Variants in SEPTIN14 observed in about 807,000 individuals in gnomAD.
SEPTIN14 encodes the protein septin 14.
In SEPTIN14, 40 loss-of-function variants were observed where a neutral mutation model predicts 53.6. The observed-to-expected ratio is 0.75, with a 90% CI of 0.58 to 0.97. The LOEUF is 0.97. Ranked by LOEUF, SEPTIN14 falls within the 50% of genes least tolerant of loss-of-function variation. The pLI is 0.00. For synonymous variants in SEPTIN14, 138 were observed against 166.8 expected, an observed-to-expected ratio of 0.83 and a Z score of 1.33; for missense variants, 471 against 508.2, an observed-to-expected ratio of 0.93 and a Z score of 0.70.
chr7:55,813,523 C>T lies in SEPTIN14; in HGVS notation c.817+5604G>A, dbSNP rs143989546. ...GCTTGTATCACACCTCCCCCAACTCCAGGCAGTGCAGCCCGAAAAGAGACT... is the reference window on the plus strand; with the variant it reads ...GCTTGTATCACACCTCCCCCAACTCTAGGCAGTGCAGCCCGAAAAGAGACT... On this transcript the variant is annotated intron_variant, in intron 7 of 9. Coordinates refer to ENST00000388975, the MANE Select transcript of SEPTIN14 (RefSeq NM_207366.3). Among the ~76,000 whole-genome samples the T allele has an allele frequency of 2.8e-3, 423 of 152,208 alleles. 5 individuals are homozygous for T. Among genetic ancestry groups the T allele is most frequent in the Middle Eastern group, 0.01 (3 of 294 alleles).
chr7:55,808,603 G>C (rs1788646563), intron 7 of SEPTIN14, among the ~76,000 whole-genome samples: 1 of 152,148 alleles, frequency 6.6e-6, no homozygotes, highest in South Asian at 2.1e-4. Flanking sequence ...CCAGGCTGGA[G>C]TGCAGCAGTG....
intron 4 of SEPTIN14, 117 bp downstream of exon 4, chr7:55,844,406 G>A: frequency 6.0e-6 from 3 of 496,502 alleles, no homozygotes; most frequent in Non-Finnish European, 1.1e-5. Context: ...ACATTACTTA[G>A]GAAAATATTA....
chr7:55,847,909 A>G lies in SEPTIN14; in HGVS notation c.55-1272T>C, dbSNP rs557446116. The stretch of plus-strand genomic sequence containing the variant: ...TCATTTTTTATTTTTAAGTACTTCT[A>G]TTTTAAAAATGGGAATTATACAACC... On this transcript the variant is annotated intron_variant, in intron 2 of 9. Transcript: ENST00000388975. Among the ~76,000 whole-genome samples, 119 of 152,174 alleles carry G rather than the reference A, an allele frequency of 7.8e-4. No homozygotes were observed. In the South Asian group the frequency reaches 9.1e-3, roughly 12 times the overall value.
intron 6 of SEPTIN14, among the ~76,000 whole-genome samples, chr7:55,823,508 A>G (rs919495618): frequency 6.6e-6 from 1 of 152,086 alleles, no homozygotes; most frequent in African/African-American, 2.4e-5. Context: ...CTCAGATAGA[A>G]GCTTTAACAC....
intron 7 of SEPTIN14, among the ~76,000 whole-genome samples, chr7:55,808,748 C>A (rs570084881): frequency 1.3e-5 from 2 of 152,068 alleles, no homozygotes; most frequent in African/African-American, 2.4e-5. Flanking sequence ...GATGGAGTTT[C>A]ACCATGTTGA....
chr7:55,805,574 T>TA (rs1788598812), intron 8 of SEPTIN14, among the ~76,000 whole-genome samples, 184 bp from the exon 9 acceptor site: 1 of 152,074 alleles, frequency 6.6e-6, no homozygotes, highest in Non-Finnish European at 1.5e-5. Flanking sequence ...TATAAACATG[T>TA]AAAAAATATA....
chr7:55,797,987 G>T, intron 9 of SEPTIN14: 1 of 156,648 alleles, frequency 6.4e-6, no homozygotes, highest in South Asian at 1.8e-4. Flanking sequence ...TGGCTGAGGA[G>T]GGGGCTGAGG....
chr7:55,843,119 T>C lies in SEPTIN14; in HGVS notation c.381A>G (p.Pro127=), dbSNP rs779907021. The C allele has an allele frequency of 3.8e-6, 6 of 1,571,316 alleles. No homozygotes were observed. The East Asian group carries it at 1.1e-4, about 29-fold the overall frequency. ...ATTGGGCATCTATGTAGTCAACTATTGGTTGGTAGCTAAAAAAAAATTTAT... is the reference window on the plus strand; with the variant it reads ...ATTGGGCATCTATGTAGTCAACTATCGGTTGGTAGCTAAAAAAAAATTTAT... The part of the protein sequence containing the change: ...DQIDKEASYQ[P]IVDYIDAQFE... Residue 127 remains proline (P), a synonymous_variant, in exon 5 of 10, where the codon CCA becomes CCG. Transcript: ENST00000388975.
chr7:55,821,018 T>C (rs1333804555), intron 6 of SEPTIN14, among the ~76,000 whole-genome samples: 1 of 152,182 alleles, frequency 6.6e-6, no homozygotes, highest in African/African-American at 2.4e-5. Context: ...CTAAAATATT[T>C]ACACAGATAA....
chr7:55,839,092 A>G lies in SEPTIN14; in HGVS notation c.558+3850T>C, dbSNP rs540240521. On this transcript the variant is annotated intron_variant, in intron 5 of 9. Coordinates refer to ENST00000388975, the MANE Select transcript of SEPTIN14 (RefSeq NM_207366.3). ...TCATAAGAAGAGTGAGTACAGTATA[A>G]TAAGATATTTTGAGGCCAGGCGTGG... 2.0e-4 allele frequency among the ~76,000 whole-genome samples: 31 copies of G among 152,260 alleles called. 1 individual carries two copies. The South Asian group carries it at 4.1e-3, about 20-fold the overall frequency.
At chr7:55,821,428 A>C (rs1423707023) in intron 6 of SEPTIN14, among the ~76,000 whole-genome samples, 2 of 152,172 alleles carry the variant, frequency 1.3e-5, no homozygotes, top group African/African-American at 2.4e-5. Context: ...CTTGGAGGAG[A>C]AACAGGCCAT....
At chr7:55,844,064 G>C (rs1465670620) in intron 4 of SEPTIN14, among the ~76,000 whole-genome samples, 1 of 152,148 alleles carries the variant, frequency 6.6e-6, no homozygotes, top group Non-Finnish European at 1.5e-5. Flanking sequence ...TTGAGCCTGG[G>C]AGGTCGAAGC....
chr7:55,843,536 T>TA (rs974975878), intron 4 of SEPTIN14, among the ~76,000 whole-genome samples: 2 of 152,106 alleles, frequency 1.3e-5, no homozygotes, highest in Admixed American at 6.6e-5. Context: ...TGGCTATTGT[T>TA]AAAAAGATAA....
At chr7:55,857,522 A>G (rs181535216) in intron 2 of SEPTIN14, among the ~76,000 whole-genome samples, 139 of 39,590 alleles carry the variant, frequency 3.5e-3, no homozygotes, top group African/African-American at 0.013. Flanking sequence ...GGGAAGGGAA[A>G]GGAAAGGAAA....
chr7:55,797,789 C>T (rs1406772911), intron 9 of SEPTIN14, among the ~76,000 whole-genome samples: 4 of 152,026 alleles, frequency 2.6e-5, no homozygotes, highest in Non-Finnish European at 5.9e-5. Flanking sequence ...GCCAACATGG[C>T]GAAACCCTAT....
intron 6 of SEPTIN14, among the ~76,000 whole-genome samples, chr7:55,829,151 G>C (rs1388487868): frequency 6.6e-6 from 1 of 151,890 alleles, no homozygotes; most frequent in East Asian, 1.9e-4. Flanking sequence ...GGCCAAGACA[G>C]GTGGATTGCC....
At chr7:55,799,521 A>G (rs1788490621) in intron 9 of SEPTIN14, among the ~76,000 whole-genome samples, 1 of 103,134 alleles carries the variant, frequency 9.7e-6, no homozygotes, top group African/African-American at 4.8e-5. Context: ...CTTGTCTCAA[A>G]AAAAAAAAAA....
chr7:55,847,543 G>C (rs982096380), intron 2 of SEPTIN14, among the ~76,000 whole-genome samples: 1 of 152,110 alleles, frequency 6.6e-6, no homozygotes, highest in Non-Finnish European at 1.5e-5. Context: ...TTAGCCTACA[G>C]TTGGGCAAAA....
chr7:55,858,268 C>T (rs1789681469), intron 2 of SEPTIN14, among the ~76,000 whole-genome samples: 1 of 152,132 alleles, frequency 6.6e-6, no homozygotes, highest in African/African-American at 2.4e-5. Flanking sequence ...CCCTGGGGCC[C>T]AGAGGGAGAG....
Sources: gnomAD v4.1 joint callset for allele counts (sites outside exome capture counted in the v4.1 genomes callset) on GRCh38, gnomAD v4.1.1 for gene constraint, MANE v1.5 for transcripts, NCBI Gene and HGNC (gene_info 2026-07-23, HGNC 2026-07-21) for gene names.